The following EBF1 variants were observed in gnomAD, a reference collection of about 807,000 sequenced individuals.
The protein encoded by EBF1 is EBF transcription factor 1.
In EBF1, 10 loss-of-function variants were observed where a neutral mutation model predicts 68.4. The observed-to-expected ratio is 0.15, with a 90% CI of 0.09 to 0.25. The LOEUF is 0.25. Ranked by LOEUF, EBF1 falls within the 10% of genes least tolerant of loss-of-function variation. The pLI is 1.00. For missense variants in EBF1, 509 were observed against 794.4 expected, an observed-to-expected ratio of 0.64 and a Z score of 4.32; for synonymous variants, 298 against 299.8, an observed-to-expected ratio of 0.99 and a Z score of 0.06.
intron 6 of EBF1, among the ~76,000 whole-genome samples, chr5:158,997,791 G>C (rs1761717053): frequency 6.6e-6 from 1 of 152,124 alleles, no homozygotes; most frequent in African/African-American, 2.4e-5. Flanking sequence ...GCCTTTGCTA[G>C]CTCTACAGCA....
intron 7 of EBF1, among the ~76,000 whole-genome samples, chr5:158,834,689 G>A (rs1245953657): frequency 1.3e-5 from 2 of 152,254 alleles, no homozygotes; most frequent in Admixed American, 1.3e-4. Context: ...CAGCCACTGT[G>A]AAGCTGAGTT....
At chr5:159,091,906 C>G (rs1212175263) in intron 4 of EBF1, among the ~76,000 whole-genome samples, 9 of 152,160 alleles carry the variant, frequency 5.9e-5, no homozygotes, top group Non-Finnish European at 1.3e-4. Context: ...GCTTCTCAAG[C>G]AGGCTTTTGT....
intron 6 of EBF1, among the ~76,000 whole-genome samples, chr5:159,026,017 G>A (rs1767654124): frequency 6.6e-6 from 1 of 152,206 alleles, no homozygotes; most frequent in African/African-American, 2.4e-5. Context: ...TCTGTTACGT[G>A]AAGGAAGTGT....
chr5:158,840,990 G>A (rs1215192830), intron 6 of EBF1, among the ~76,000 whole-genome samples: 1 of 152,080 alleles, frequency 6.6e-6, no homozygotes. Flanking sequence ...TTCTTAAACT[G>A]TCTGCTGTAG....
At chr5:159,038,405 G>T (rs1295263927) in intron 6 of EBF1, among the ~76,000 whole-genome samples, 1 of 152,068 alleles carries the variant, frequency 6.6e-6, no homozygotes, top group Non-Finnish European at 1.5e-5. Context: ...TTCTCCAGTC[G>T]AGATGGACCT....
intron 6 of EBF1, among the ~76,000 whole-genome samples, chr5:159,031,173 C>G (rs1768756799): frequency 6.8e-6 from 1 of 147,122 alleles, no homozygotes; most frequent in South Asian, 2.1e-4. Flanking sequence ...GACTTCGTCT[C>G]AAAAAAAAAG....
intron 10 of EBF1, among the ~76,000 whole-genome samples, chr5:158,738,677 A>G (rs2127564223): frequency 6.6e-6 from 1 of 152,334 alleles, no homozygotes; most frequent in South Asian, 2.1e-4. Context: ...CAAAGGTGGG[A>G]AACTGAGGCA....
chr5:158,795,512 A>T (rs939276694), intron 9 of EBF1, among the ~76,000 whole-genome samples: 2 of 152,186 alleles, frequency 1.3e-5, no homozygotes, highest in African/African-American at 4.8e-5. Flanking sequence ...AATGAACCCT[A>T]TGGTACCTTG....
At chr5:158,931,551 G>T (rs980672954) in intron 6 of EBF1, among the ~76,000 whole-genome samples, 1 of 152,172 alleles carries the variant, frequency 6.6e-6, no homozygotes, top group Non-Finnish European at 1.5e-5. Flanking sequence ...TCAGTATCAT[G>T]GAGCAAATCA....
intron 6 of EBF1, among the ~76,000 whole-genome samples, chr5:158,970,257 C>T (rs1277964767): frequency 6.6e-6 from 1 of 152,160 alleles, no homozygotes; most frequent in East Asian, 1.9e-4. Flanking sequence ...TTATTTTTCC[C>T]ATAAACCACC....
At chr5:158,718,596 T>A (rs1407609918) in intron 11 of EBF1, among the ~76,000 whole-genome samples, 2 of 152,162 alleles carry the variant, frequency 1.3e-5, no homozygotes, top group African/African-American at 2.4e-5. Context: ...ATTCTTTCTA[T>A]TACTATCTGG....
chr5:158,958,946 G>A (rs1267408302), intron 6 of EBF1, among the ~76,000 whole-genome samples: 5 of 152,130 alleles, frequency 3.3e-5, no homozygotes, highest in South Asian at 2.1e-4. Context: ...TTGCCCACAC[G>A]ATTCGCACAT....
At chr5:158,871,412 A>G (rs1043554729) in intron 6 of EBF1, among the ~76,000 whole-genome samples, 1 of 152,220 alleles carries the variant, frequency 6.6e-6, no homozygotes, top group Non-Finnish European at 1.5e-5. Flanking sequence ...AATGCCATAC[A>G]ATTGCATTAA....
intron 6 of EBF1, among the ~76,000 whole-genome samples, chr5:158,913,385 G>A (rs1000540597): frequency 6.6e-6 from 1 of 152,158 alleles, no homozygotes; most frequent in African/African-American, 2.4e-5. Context: ...GTTCCACAGG[G>A]GGACATTTCA....
intron 10 of EBF1, among the ~76,000 whole-genome samples, chr5:158,737,725 T>C (rs1765521321): frequency 6.6e-6 from 1 of 152,070 alleles, no homozygotes; most frequent in East Asian, 1.9e-4. Context: ...TTACGTCCTT[T>C]TTACAAAGAG....
chr5:158,963,973 C>A (rs1753603190), intron 6 of EBF1, among the ~76,000 whole-genome samples: 2 of 152,240 alleles, frequency 1.3e-5, no homozygotes, highest in Non-Finnish European at 2.9e-5. Context: ...TAAACTGTTA[C>A]CAGGCAGTGT....
chr5:158,826,980 T>C (rs1370662689), intron 7 of EBF1, among the ~76,000 whole-genome samples: 1 of 152,206 alleles, frequency 6.6e-6, no homozygotes, highest in Non-Finnish European at 1.5e-5. Flanking sequence ...TTGATGTGAC[T>C]TTGGCCAGGT....
chr5:159,098,925 G>GA (rs1392140161), intron 1 of EBF1, among the ~76,000 whole-genome samples: 1 of 150,420 alleles, frequency 6.6e-6, no homozygotes, highest in Non-Finnish European at 1.5e-5. Flanking sequence ...AGGAAGGAAG[G>GA]AAGAGAAAGA....
chr5:158,983,707 A>T (rs983134225), intron 6 of EBF1: 1 of 152,208 alleles, frequency 6.6e-6, no homozygotes, highest in South Asian at 2.1e-4. Flanking sequence ...AAGTGTTTCA[A>T]TTTGGAAAAT....
Sources: gnomAD v4.1 joint callset for allele counts (sites outside exome capture counted in the v4.1 genomes callset) on GRCh38, gnomAD v4.1.1 for gene constraint, MANE v1.5 for transcripts, NCBI Gene and HGNC (gene_info 2026-07-23, HGNC 2026-07-21) for gene names.